The following POU1F1 variants were observed in gnomAD, a reference collection of about 807,000 sequenced individuals.
POU1F1 encodes pituitary-specific positive transcription factor 1.
In POU1F1, 23 loss-of-function variants were observed where a neutral mutation model predicts 32.3. The observed-to-expected ratio is 0.71, with a 90% confidence interval of 0.51 to 1.01. The LOEUF (loss-of-function observed/expected upper bound fraction) is 1.01. POU1F1 is among the 50% of genes least tolerant of loss of function. The pLI, the probability that POU1F1 is intolerant of heterozygous loss-of-function variation, is 0.00. For synonymous variants in POU1F1, 120 were observed against 115.6 expected, an observed-to-expected ratio of 1.04 and a Z score of -0.25; for missense variants, 323 against 341.6, an observed-to-expected ratio of 0.95 and a Z score of 0.43.
Position 87,259,704 on chromosome 3 carries a change from A to G in POU1F1, c.*190T>C, listed in dbSNP as rs1706468029. ...GATAATGTGGCTTCTGAGAATAATT[A>G]TTTTAAGTAAATAACATCAATATAA... On this transcript the variant is annotated 3_prime_UTR_variant, in exon 6 of 6. Transcript: ENST00000350375. 2 of 586,910 alleles carry G rather than the reference A, an allele frequency of 3.4e-6. No homozygotes were observed. Among genetic ancestry groups the G allele is most frequent in the East Asian group, 6.0e-5 (2 of 33,338 alleles). 36.4% of individuals were successfully genotyped at this position (586,910 alleles called of 1,614,324 possible).
At chr3:87,266,441 AAAAC>A (rs1184120554) in intron 2 of POU1F1, among the ~76,000 whole-genome samples, 2 of 149,770 alleles carry the variant, frequency 1.3e-5, no homozygotes, top group Non-Finnish European at 3.0e-5. Context: ...TATTTTTTCT[AAAAC>A]AAAGTAAACA....
chr3:87,263,610 C>T (rs1021725581), intron 3 of POU1F1, among the ~76,000 whole-genome samples: 7 of 152,048 alleles, frequency 4.6e-5, no homozygotes, highest in African/African-American at 1.7e-4. Flanking sequence ...AGCAATTGTG[C>T]TTCTAACATT....
At chr3:87,272,563 A>T (rs1368152761) in intron 2 of POU1F1, among the ~76,000 whole-genome samples, 1 of 152,166 alleles carries the variant, frequency 6.6e-6, no homozygotes, top group Non-Finnish European at 1.5e-5. Flanking sequence ...TGATGAATAG[A>T]TCTCATAAGC....
chr3:87,261,209 A>C, intron 5 of POU1F1, 64 bp downstream of exon 5: 1 of 1,195,340 alleles, frequency 8.4e-7, no homozygotes, highest in Non-Finnish European at 1.2e-6. Context: ...CATTACACTC[A>C]AATGCTCATT....
chr3:87,267,387 A>T (rs1337885485), intron 2 of POU1F1, among the ~76,000 whole-genome samples: 1 of 152,208 alleles, frequency 6.6e-6, no homozygotes, highest in African/African-American at 2.4e-5. Context: ...ACTAAAGTCT[A>T]ATAAGCATTG....
At position 87,260,352 on chromosome 3, in the gene POU1F1, T is replaced by G. The variant is rs1449087008; in HGVS notation, c.666-248A>C. 1.2e-4 allele frequency among the ~76,000 whole-genome samples: 19 copies of G among 152,166 alleles called. 1 individual carries two copies. Among genetic ancestry groups the G allele is most frequent in the Admixed American group, 1.2e-3 (19 of 15,266 alleles). On this transcript the variant is annotated intron_variant, in intron 5 of 5. Coordinates refer to ENST00000350375, the MANE Select transcript of POU1F1 (RefSeq NM_000306.4). ...AGCATTAAGTAGGGGACCCAGACTT[T>G]CTATGTTTTTCCCACTTTGTGCCAC...
At chr3:87,269,595 T>C (rs1343514280) in intron 2 of POU1F1, among the ~76,000 whole-genome samples, 1 of 151,980 alleles carries the variant, frequency 6.6e-6, no homozygotes, top group Non-Finnish European at 1.5e-5. Flanking sequence ...GTTCCAAAAA[T>C]AGACTAGACT....
chr3:87,271,275 TA>T (rs1436991037), intron 2 of POU1F1, among the ~76,000 whole-genome samples: 2 of 152,104 alleles, frequency 1.3e-5, no homozygotes, highest in Non-Finnish European at 2.9e-5. Context: ...AACATTGGCA[TA>T]TTGGCTCCAG....
chr3:87,273,758 T>G (rs1340870147), intron 1 of POU1F1, among the ~76,000 whole-genome samples: 1 of 152,180 alleles, frequency 6.6e-6, no homozygotes, highest in Non-Finnish European at 1.5e-5. Flanking sequence ...ATTTAGACCT[T>G]GGCCCTTTGG....
chr3:87,272,632 C>T (rs1390134271), intron 2 of POU1F1, among the ~76,000 whole-genome samples: 1 of 152,102 alleles, frequency 6.6e-6, no homozygotes, highest in Non-Finnish European at 1.5e-5. Context: ...GATCAATAAG[C>T]AGGTAGCCAT....
chr3:87,276,580 G>T lies in POU1F1; in HGVS notation c.-118C>A. On this transcript the variant is annotated 5_prime_UTR_variant, in exon 1 of 6. Coordinates refer to ENST00000350375, the MANE Select transcript of POU1F1 (RefSeq NM_000306.4). Reference sequence around the variant, plus strand: ...CTACCTGCATATATACATCAGGAAGGCTCTGAGGCACCAGGAGGGTGCGCG... The same window carrying T: ...CTACCTGCATATATACATCAGGAAGTCTCTGAGGCACCAGGAGGGTGCGCG... The T allele has an allele frequency of 2.5e-6, 3 of 1,217,232 alleles. No individual in the cohort carries two copies. Among genetic ancestry groups the T allele is most frequent in the Non-Finnish European group, 3.5e-6 (3 of 851,942 alleles). The allele number at this position is 1,217,232 out of a possible 1,614,324, so 75.4% of individuals were successfully genotyped here.
intron 4 of POU1F1, among the ~76,000 whole-genome samples, 196 bp from the exon 5 acceptor site, chr3:87,261,529 T>G (rs899296061): frequency 3.3e-5 from 5 of 152,200 alleles, no homozygotes; most frequent in Non-Finnish European, 5.9e-5. Context: ...ATATTAACCT[T>G]GCAAAGACAC....
intron 2 of POU1F1, among the ~76,000 whole-genome samples, chr3:87,271,495 T>A (rs1706719459): frequency 6.6e-6 from 1 of 152,130 alleles, no homozygotes; most frequent in South Asian, 2.1e-4. Context: ...CTGTGCTGGG[T>A]TAAGAGAGAA....
At chr3:87,276,237 G>C in intron 1 of POU1F1, 84 bp downstream of exon 1, 2 of 1,503,030 alleles carry the variant, frequency 1.3e-6, no homozygotes, top group South Asian at 2.3e-5. Context: ...AAGATGCAAA[G>C]AGATTATTAA....
At chr3:87,276,203 A>G in intron 1 of POU1F1, 118 bp downstream of exon 1, 2 of 1,324,758 alleles carry the variant, frequency 1.5e-6, no homozygotes, top group South Asian at 2.4e-5. Flanking sequence ...ACTTAAGACA[A>G]ATTAAATTGG....
intron 1 of POU1F1, among the ~76,000 whole-genome samples, chr3:87,275,089 T>C (rs1370119411): frequency 6.6e-6 from 1 of 152,000 alleles, no homozygotes; most frequent in Non-Finnish European, 1.5e-5. Flanking sequence ...AAATATGTGA[T>C]TAGCTATGTG....
At position 87,264,364 on chromosome 3, in the gene POU1F1, T is replaced by A; in HGVS notation, c.363A>T (p.Pro121=). The change falls in exon 3 of 6, where the codon CCA becomes CCT. Residue 121 remains proline, a synonymous_variant. Coordinates refer to ENST00000350375, the MANE Select transcript of POU1F1 (RefSeq NM_000306.4). ...TGATTTCTGGAGAATCCATGTCTAT[T>A]GGCTCTTCCACCAATTTACTTTTCC... ...LRRKSKLVEE[P]IDMDSPEIRE... is the part of the protein sequence containing the mutation. 6.2e-7 allele frequency: 1 copy of A among 1,613,984 alleles called. No individual in the cohort carries two copies. The highest frequency in any genetic ancestry group is 8.5e-7 in the Non-Finnish European group (1 of 1,179,906).
intron 2 of POU1F1, among the ~76,000 whole-genome samples, chr3:87,266,211 GTAGT>G (rs1176058967): frequency 4.1e-5 from 6 of 145,540 alleles, no homozygotes; most frequent in African/African-American, 1.2e-4. Flanking sequence ...TCATAAATAT[GTAGT>G]TATTTATTTA....
intron 1 of POU1F1, among the ~76,000 whole-genome samples, chr3:87,274,058 A>T (rs1239695726): frequency 1.3e-5 from 2 of 152,142 alleles, no homozygotes; most frequent in Non-Finnish European, 2.9e-5. Flanking sequence ...ATTTATTTTG[A>T]TGTTGAAACC....
Sources: gnomAD v4.1 joint callset for allele counts (sites outside exome capture counted in the v4.1 genomes callset) on GRCh38, gnomAD v4.1.1 for gene constraint, MANE v1.5 for transcripts, NCBI Gene and HGNC (gene_info 2026-07-23, HGNC 2026-07-21) for gene names.